TIGAR: variants seen among roughly 807,000 people sequenced by gnomAD.
TIGAR encodes TP53 induced glycolysis regulatory phosphatase.
A neutral mutation model predicts 17.9 loss-of-function variants in TIGAR; 7 were observed. The ratio of observed to expected loss-of-function variants is 0.39; its 90% confidence interval spans 0.22 to 0.73. TIGAR has a LOEUF of 0.73. Among genes scored for constraint, TIGAR ranks in the 30% least tolerant of loss-of-function variants. The probability of loss-of-function intolerance (pLI) is 0.42; values close to 1 mark genes in which losing one functional copy is unlikely to be tolerated. For missense variants in TIGAR, 258 were observed against 327.4 expected (o/e 0.79, Z 1.64); for synonymous variants, 94 against 108.6 (o/e 0.87, Z 0.84).
chr12:4,349,929 A>T, intron 4 of TIGAR, 33 bp downstream of exon 4: 1 of 1,444,020 alleles, frequency 6.9e-7, no homozygotes, highest in Non-Finnish European at 9.3e-7. Context: ...GTTCTTCCCC[A>T]TAAATTATCA....
intron 3 of TIGAR, among the ~76,000 whole-genome samples, chr12:4,340,320 T>G (rs974568344): frequency 6.6e-6 from 1 of 152,104 alleles, no homozygotes; most frequent in African/African-American, 2.4e-5. Flanking sequence ...CAAATAAAAT[T>G]AAATACTCAG....
At chr12:4,341,446 A>G (rs1288444484) in intron 3 of TIGAR, among the ~76,000 whole-genome samples, 1 of 152,042 alleles carries the variant, frequency 6.6e-6, no homozygotes, top group East Asian at 1.9e-4. Flanking sequence ...GCCTCCTCAC[A>G]TGGGTCCCTG....
rs1248278135 is a variant in TIGAR at position 4,356,037 on chromosome 12, G to A, written c.*3346G>A. ...CCTTGGGCTTTTACTCAAGTGAGAT[G>A]AGATGCCATTGGCCAGTTTGGGCAG... On this transcript the variant is annotated 3_prime_UTR_variant, in exon 6 of 6. Transcript: ENST00000179259. Among the ~76,000 whole-genome samples, 2 of 152,192 alleles carry A rather than the reference G, an allele frequency of 1.3e-5. No homozygotes were observed. The highest frequency in any genetic ancestry group is 4.8e-5 in the African/African-American group (2 of 41,444).
Position 4,349,865 on chromosome 12 carries a change from C to T in TIGAR, c.239C>T (p.Thr80Met), listed in dbSNP as rs147986638. 7.5e-5 allele frequency: 119 copies of T among 1,578,306 alleles called. No individual in the cohort carries two copies. Among genetic ancestry groups the T allele is most frequent in the East Asian group, 1.2e-4 (5 of 41,774 alleles). Reference sequence around the variant, plus strand: ...AGAAGCAAATTTTGCAAAGATATGACGGTAAAGTATGACTCAAGACTTCGG... The same window carrying T: ...AGAAGCAAATTTTGCAAAGATATGATGGTAAAGTATGACTCAAGACTTCGG... ...LERSKFCKDM[T>M]VKYDSRLRER... Residue 80 changes from threonine to methionine, a missense_variant, in exon 4 of 6, where the codon ACG becomes ATG. Transcript: ENST00000179259.
At chr12:4,324,549 G>A (rs955934980) in intron 1 of TIGAR, 2 of 1,608,162 alleles carry the variant, frequency 1.2e-6, no homozygotes, top group African/African-American at 2.7e-5. Flanking sequence ...CCACCATCTT[G>A]GGCAGGATGA....
In TIGAR at chr12:4,356,283, A is replaced by G. The variant is rs914768037; in HGVS notation, c.*3592A>G. Among the ~76,000 whole-genome samples the G allele has an allele frequency of 6.6e-6, 1 of 152,232 alleles. No homozygotes were observed. The highest frequency in any genetic ancestry group is 2.4e-5 in the African/African-American group (1 of 41,466). On this transcript the variant is annotated 3_prime_UTR_variant, in exon 6 of 6. Coordinates refer to ENST00000179259, the MANE Select transcript of TIGAR (RefSeq NM_020375.3). Reference sequence around the variant, plus strand: ...GGACATTGAATTTCTAGGTTAGCTTAGGATTTCTCATCCTCCCATCTGTGA... The same window carrying G: ...GGACATTGAATTTCTAGGTTAGCTTGGGATTTCTCATCCTCCCATCTGTGA...
rs528026807 is a variant in TIGAR at position 4,359,487 on chromosome 12, A to G, written c.*6796A>G. On this transcript the variant is annotated 3_prime_UTR_variant, in exon 6 of 6. Transcript: ENST00000179259. ...ATGAAATGAAAGACGCCTGGTGTGC[A>G]TGGTATTTAGAAACCAAGATCTCGG... Among the ~76,000 whole-genome samples the G allele has an allele frequency of 1.8e-4, 27 of 152,108 alleles. No individual in the cohort carries two copies. The highest frequency in any genetic ancestry group is 4.2e-4 in the South Asian group (2 of 4,798).
At chr12:4,340,918 C>T (rs984607902) in intron 3 of TIGAR, among the ~76,000 whole-genome samples, 2 of 152,144 alleles carry the variant, frequency 1.3e-5, no homozygotes, top group Non-Finnish European at 2.9e-5. Context: ...AAATCTAAGA[C>T]CTCAAACTAT....
At chr12:4,323,625 A>C (rs1026465024) in intron 1 of TIGAR, among the ~76,000 whole-genome samples, 1 of 152,178 alleles carries the variant, frequency 6.6e-6, no homozygotes, top group African/African-American at 2.4e-5. Context: ...AGTTTAACCA[A>C]AGCAACTTTA....
At chr12:4,339,147 T>A (rs1214150193) in intron 3 of TIGAR, among the ~76,000 whole-genome samples, 1 of 151,906 alleles carries the variant, frequency 6.6e-6, no homozygotes, top group Non-Finnish European at 1.5e-5. Context: ...AAGATAAAAT[T>A]GACAGACCTT....
chr12:4,351,436 G>T, intron 5 of TIGAR, 59 bp downstream of exon 5: 1 of 1,418,094 alleles, frequency 7.1e-7, no homozygotes, highest in Non-Finnish European at 9.9e-7. Context: ...AGATGTTTTG[G>T]AATTTTAGCT....
Position 4,358,898 on chromosome 12 carries a change from T to A in TIGAR, c.*6207T>A, listed in dbSNP as rs1299499286. Among the ~76,000 whole-genome samples the A allele has an allele frequency of 6.6e-6, 1 of 152,166 alleles. No homozygotes were observed. Among genetic ancestry groups the A allele is most frequent in the African/African-American group, 2.4e-5 (1 of 41,440 alleles). Reference sequence around the variant, plus strand: ...TGAACTTTGTCTTTCTTGATCTTGTTACTTTTTAAAAAATAGGTGAGTTCT... The same window carrying A: ...TGAACTTTGTCTTTCTTGATCTTGTAACTTTTTAAAAAATAGGTGAGTTCT... On this transcript the variant is annotated 3_prime_UTR_variant, in exon 6 of 6. Coordinates refer to ENST00000179259, the MANE Select transcript of TIGAR (RefSeq NM_020375.3).
chr12:4,347,986 G>A (rs1253824688), intron 3 of TIGAR, among the ~76,000 whole-genome samples: 3 of 151,858 alleles, frequency 2.0e-5, no homozygotes, highest in Non-Finnish European at 4.4e-5. Context: ...AAATAAAAAA[G>A]TTAGCTGAGT....
rs1351525329 is a variant in TIGAR, at chr12:4,354,762, C to T, written c.*2071C>T. On this transcript the variant is annotated 3_prime_UTR_variant, in exon 6 of 6. Transcript: ENST00000179259. Reference sequence around the variant, plus strand: ...TTTTTTTTTTTTGGAGACAGAGTCTCTCTCTGTTGCCCAGGCTGGGGTGCA... The same window carrying T: ...TTTTTTTTTTTTGGAGACAGAGTCTTTCTCTGTTGCCCAGGCTGGGGTGCA... Among the ~76,000 whole-genome samples, 1 of 141,088 alleles carries T rather than the reference C, an allele frequency of 7.1e-6. No individual in the cohort carries two copies. Among genetic ancestry groups the T allele is most frequent in the African/African-American group, 2.7e-5 (1 of 37,600 alleles). 92.6% of individuals were successfully genotyped at this position (141,088 alleles called of 152,430 possible).
At chr12:4,336,358 C>T (rs1043778233) in intron 2 of TIGAR, among the ~76,000 whole-genome samples, 2 of 151,688 alleles carry the variant, frequency 1.3e-5, no homozygotes, top group Admixed American at 6.6e-5. Context: ...TTTTTCATGT[C>T]GGTATTCACA....
At position 4,357,112 on chromosome 12, in the gene TIGAR, G is replaced by A. The variant is rs1441593631; in HGVS notation, c.*4421G>A. Among the ~76,000 whole-genome samples the A allele has an allele frequency of 6.6e-6, 1 of 152,236 alleles. No homozygotes were observed. The highest frequency in any genetic ancestry group is 1.9e-4 in the East Asian group (1 of 5,202). On this transcript the variant is annotated 3_prime_UTR_variant, in exon 6 of 6. Transcript: ENST00000179259. Reference sequence around the variant, plus strand: ...CACATAAAGTAAGATATCCCTGAGAGAACAGTGCATCTCACACCCATTCCA... The same window carrying A: ...CACATAAAGTAAGATATCCCTGAGAAAACAGTGCATCTCACACCCATTCCA...
At chr12:4,337,941 G>A (rs1223543283) in intron 3 of TIGAR, among the ~76,000 whole-genome samples, 2 of 152,162 alleles carry the variant, frequency 1.3e-5, no homozygotes, top group Non-Finnish European at 2.9e-5. Flanking sequence ...GACCAGCCTG[G>A]CCAACATGGT....
intron 1 of TIGAR, chr12:4,324,942 CT>C (rs35996093): frequency 0.011 from 2,043 of 189,798 alleles, no homozygotes; most frequent in South Asian, 0.03. Context: ...TTTGTTTTTG[CT>C]TTTTTTTTTT....
rs536279897 is a variant in TIGAR at position 4,355,590 on chromosome 12, G to A, written c.*2899G>A. Among the ~76,000 whole-genome samples, 6 of 152,222 alleles carry A rather than the reference G, an allele frequency of 3.9e-5. No homozygotes were observed. Among genetic ancestry groups the A allele is most frequent in the African/African-American group, 9.6e-5 (4 of 41,500 alleles). Reference sequence around the variant, plus strand: ...ATGCATCTCTTCATCTATTCAATACGTATTTTTTGAGCATGGCACACACAT... The same window carrying A: ...ATGCATCTCTTCATCTATTCAATACATATTTTTTGAGCATGGCACACACAT... On this transcript the variant is annotated 3_prime_UTR_variant, in exon 6 of 6. Transcript: ENST00000179259.
Sources: allele counts gnomAD v4.1 joint callset (sites outside exome capture counted in the v4.1 genomes callset), GRCh38; gene constraint gnomAD v4.1.1; transcripts MANE v1.5; gene names NCBI Gene and HGNC (gene_info 2026-07-23, HGNC 2026-07-21).